TBL1X: variants seen among roughly 807,000 people sequenced by gnomAD.
The protein encoded by TBL1X is transducin beta like 1 X-linked.
In TBL1X, 10 loss-of-function variants were observed where a neutral mutation model predicts 50.7. The ratio of observed to expected loss-of-function variants is 0.20; its 90% CI spans 0.12 to 0.33. TBL1X has a LOEUF of 0.33. TBL1X is among the 10% of genes least tolerant of loss of function. The pLI is 1.00. For synonymous variants in TBL1X, 190 were observed against 214.7 expected, an observed-to-expected ratio of 0.88 and a Z score of 1.01; for missense variants, 340 against 504.4, an observed-to-expected ratio of 0.67 and a Z score of 3.12.
At chrX:9,464,636 G>A (rs2081757562), upstream of TBL1X, among the ~76,000 whole-genome samples, 1 of 111,289 alleles carries the variant, frequency 9.0e-6, no homozygotes, top group Non-Finnish European at 1.9e-5. Context: ...GGGGGTGGCC[G>A]AGGTTCCCGT....
chrX:9,623,520 C>A (rs1164474404), intron 2 of TBL1X, among the ~76,000 whole-genome samples: 7 of 110,880 alleles, frequency 6.3e-5, no homozygotes, highest in Admixed American at 4.8e-4. Flanking sequence ...AACCCTGTCT[C>A]TACAAAAAGT....
At chrX:9,498,129 G>A (rs1257015096) in intron 1 of TBL1X, among the ~76,000 whole-genome samples, 2 of 111,516 alleles carry the variant, frequency 1.8e-5, no homozygotes, top group Admixed American at 9.6e-5. Flanking sequence ...TTCAAATAAT[G>A]ATTTGATTTC....
chrX:9,522,492 T>C (rs1443575645), intron 2 of TBL1X, among the ~76,000 whole-genome samples: 1 of 110,905 alleles, frequency 9.0e-6, no homozygotes, highest in Non-Finnish European at 1.9e-5. Flanking sequence ...AGGCTGACCA[T>C]AGCAGGTGGG....
At chrX:9,470,478 A>T (rs1260111536) in intron 1 of TBL1X, among the ~76,000 whole-genome samples, 1 of 111,860 alleles carries the variant, frequency 8.9e-6, no homozygotes, top group Non-Finnish European at 1.9e-5. Context: ...CTGGTCTCAA[A>T]CTCCTGACCT....
chrX:9,534,702 C>A (rs141517873), intron 2 of TBL1X, among the ~76,000 whole-genome samples: 314 of 111,258 alleles, frequency 2.8e-3, no homozygotes, highest in African/African-American at 1.0e-2. Flanking sequence ...ATGTTGGTAC[C>A]TCCCTTAATA....
At chrX:9,662,860 G>A (rs2082906483) in intron 5 of TBL1X, among the ~76,000 whole-genome samples, 1 of 112,373 alleles carries the variant, frequency 8.9e-6, no homozygotes, top group South Asian at 3.7e-4. Context: ...AGAAGGCTGA[G>A]GTGGGGGGAT....
chrX:9,467,736 T>C (rs2081785703), intron 1 of TBL1X, among the ~76,000 whole-genome samples: 2 of 111,580 alleles, frequency 1.8e-5, no homozygotes, highest in Non-Finnish European at 3.8e-5. Flanking sequence ...GCCCTCACTT[T>C]CTGTGGGGCT....
At chrX:9,519,229 A>G (rs758448662) in intron 2 of TBL1X, among the ~76,000 whole-genome samples, 5 of 111,397 alleles carry the variant, frequency 4.5e-5, no homozygotes, top group Non-Finnish European at 5.6e-5. Context: ...ATATATATAC[A>G]CATATATATT....
chrX:9,523,280 A>C (rs2082115367), intron 2 of TBL1X, among the ~76,000 whole-genome samples: 1 of 111,651 alleles, frequency 9.0e-6, no homozygotes, highest in African/African-American at 3.3e-5. Context: ...CACTCTTCCC[A>C]GGGCACCCGG....
intron 3 of TBL1X, chrX:9,644,644 T>TTTTCTTTTC (rs1569085126): frequency 9.5e-6 from 1 of 105,684 alleles, no homozygotes; most frequent in African/African-American, 3.5e-5. Context: ...TCATGGGGAT[T>TTTTCTTTTC]TTTTCTTTTC....
At chrX:9,622,247 C>G (rs917076397) in intron 2 of TBL1X, among the ~76,000 whole-genome samples, 1 of 111,214 alleles carries the variant, frequency 9.0e-6, no homozygotes, top group Non-Finnish European at 1.9e-5. Flanking sequence ...CAGTCACCAT[C>G]TACCTCCAGA....
chrX:9,564,601 C>T (rs1020409088), intron 2 of TBL1X, among the ~76,000 whole-genome samples: 1 of 110,821 alleles, frequency 9.0e-6, no homozygotes, highest in Non-Finnish European at 1.9e-5. Flanking sequence ...GGCGTGGTGG[C>T]GCGTGCCTGT....
intron 2 of TBL1X, among the ~76,000 whole-genome samples, chrX:9,589,838 G>T (rs1341876030): frequency 9.0e-6 from 1 of 111,407 alleles, no homozygotes; most frequent in Non-Finnish European, 1.9e-5. Context: ...TTACAAAAGG[G>T]ACAAAAGTAG....
intron 1 of TBL1X, among the ~76,000 whole-genome samples, chrX:9,479,026 G>A (rs1281179955): frequency 8.9e-6 from 1 of 112,813 alleles, no homozygotes; most frequent in African/African-American, 3.2e-5. Context: ...AATTAAAGCT[G>A]ATATGTGTAC....
At chrX:9,646,694 A>G (rs1289659936) in intron 3 of TBL1X, among the ~76,000 whole-genome samples, 1 of 112,037 alleles carries the variant, frequency 8.9e-6, no homozygotes, top group Non-Finnish European at 1.9e-5. Flanking sequence ...AGACGCCAAC[A>G]GCCTGACTAA....
At chrX:9,556,763 G>A (rs761709309) in intron 2 of TBL1X, among the ~76,000 whole-genome samples, 49 of 109,663 alleles carry the variant, frequency 4.5e-4, no homozygotes, top group Non-Finnish European at 8.1e-4. Context: ...AAGGCTCGAG[G>A]GTTAAGTTTC....
At chrX:9,610,542 T>C (rs1353865762) in intron 2 of TBL1X, among the ~76,000 whole-genome samples, 3 of 112,193 alleles carry the variant, frequency 2.7e-5, no homozygotes, top group Non-Finnish European at 5.6e-5. Flanking sequence ...AACTGTCTTA[T>C]GATACACACA....
intron 1 of TBL1X, among the ~76,000 whole-genome samples, chrX:9,500,105 C>T (rs2081992645): frequency 9.3e-6 from 1 of 107,375 alleles, no homozygotes; most frequent in African/African-American, 3.4e-5. Flanking sequence ...GGCAACATAA[C>T]AAGACCCCAT....
chrX:9,694,087 CTG>C (rs1293803320), intron 11 of TBL1X, among the ~76,000 whole-genome samples: 1 of 111,377 alleles, frequency 9.0e-6, no homozygotes, highest in African/African-American at 3.3e-5. Context: ...ACCTCGGCCT[CTG>C]TGCATTTCAC....
Sources: gnomAD v4.1 joint callset for allele counts (sites outside exome capture counted in the v4.1 genomes callset) on GRCh38, gnomAD v4.1.1 for gene constraint, MANE v1.5 for transcripts, NCBI Gene and HGNC (gene_info 2026-07-23, HGNC 2026-07-21) for gene names.